Variants in EN2 observed in about 807,000 individuals in gnomAD.
The protein encoded by EN2 is engrailed homeobox 2, also known as homeobox protein engrailed-2.
EN2 carries 7 observed loss-of-function variants against 25.0 expected under a neutral mutation model. The observed-to-expected ratio is 0.28, with a 90% CI of 0.16 to 0.53. The LOEUF is 0.53. Ranked by LOEUF, EN2 falls within the 20% of genes least tolerant of loss-of-function variation. The pLI, the probability that EN2 is intolerant of heterozygous loss-of-function variation, is 0.96. For missense variants in EN2, 524 were observed against 501.8 expected (o/e 1.04, Z -0.42); for synonymous variants, 277 against 243.3 (o/e 1.14, Z -1.29).
At chr7:155,459,944 T>G (rs1186375324) in intron 1 of EN2, among the ~76,000 whole-genome samples, 1 of 152,234 alleles carries the variant, frequency 6.6e-6, no homozygotes, top group Non-Finnish European at 1.5e-5. Flanking sequence ...GTAGAAATCA[T>G]CAACTGCATT....
chr7:155,462,222 C>T (rs910021570), intron 1 of EN2, 149 bp from the exon 2 acceptor site: 15 of 858,668 alleles, frequency 1.7e-5, no homozygotes, highest in Admixed American at 2.5e-5. Context: ...ATGCCCAGTC[C>T]GAAGTCTAGC....
chr7:155,461,752 C>G (rs1045875714), intron 1 of EN2, among the ~76,000 whole-genome samples: 1 of 152,208 alleles, frequency 6.6e-6, no homozygotes, highest in Admixed American at 6.5e-5. Flanking sequence ...TGCACTGACT[C>G]TTCCTTAAAG....
chr7:155,462,317 G>C, intron 1 of EN2, 54 bp from the exon 2 acceptor site: 1 of 1,539,824 alleles, frequency 6.5e-7, no homozygotes, highest in Non-Finnish European at 8.7e-7. Flanking sequence ...GGTGCCTATT[G>C]GGTGGCACAC....
rs1237336091 is a variant in EN2 at position 155,462,494 on chromosome 7, C to A, written c.809C>A (p.Thr270Lys). The change falls in exon 2 of 2, where the codon ACG becomes AAG. Residue 270 changes from threonine to lysine, a missense_variant. By Grantham distance (78) the Thr-to-Lys change is moderately conservative. Transcript: ENST00000297375. The stretch of plus-strand genomic sequence containing the variant: ...GAGTTCCAGACCAACAGGTACCTGA[C>A]GGAGCAGCGGCGCCAGAGCCTGGCG... ...KAEFQTNRYL[T>K]EQRRQSLAQE... is the part of the protein sequence containing the mutation. 3.1e-6 allele frequency: 5 copies of A among 1,614,074 alleles called. No homozygotes were observed. The highest frequency in any genetic ancestry group is 2.7e-5 in the African/African-American group (2 of 74,940).
rs753280242 is a variant in EN2 at position 155,464,420 on chromosome 7, C to G, written c.*1733C>G. The G allele has an allele frequency of 2.6e-5, 4 of 152,642 alleles. No homozygotes were observed. The highest frequency in any genetic ancestry group is 5.9e-5 in the Non-Finnish European group (4 of 68,054). The allele number at this position is 152,642 out of a possible 1,614,324, so 9.5% of individuals were successfully genotyped here. A position where few individuals can be genotyped will look rare whatever the true frequency, so the allele number is the denominator to read the frequency against. On this transcript the variant is annotated 3_prime_UTR_variant, in exon 2 of 2. Coordinates refer to ENST00000297375, the MANE Select transcript of EN2 (RefSeq NM_001427.4). ...GGAGTCCCGCTGGTCTCCCTGAGGACTGAGGGTGAACTTCGCTCTTTGCCT... is the reference window on the plus strand; with the variant it reads ...GGAGTCCCGCTGGTCTCCCTGAGGAGTGAGGGTGAACTTCGCTCTTTGCCT...
chr7:155,461,126 C>T (rs1246137160), intron 1 of EN2, among the ~76,000 whole-genome samples: 2 of 152,190 alleles, frequency 1.3e-5, no homozygotes, highest in South Asian at 2.1e-4. Flanking sequence ...AGGAGATCCA[C>T]ATTCCTCTTC....
At position 155,463,295 on chromosome 7, in the gene EN2, G is replaced by A. The variant is rs973083580; in HGVS notation, c.*608G>A. ...GGATTTGGCCCTGGGAAGCAGCCCA[G>A]CGTACCCCAGGCCTGCTCTGGGAAG... On this transcript the variant is annotated 3_prime_UTR_variant, in exon 2 of 2. Coordinates refer to ENST00000297375, the MANE Select transcript of EN2 (RefSeq NM_001427.4). The A allele has an allele frequency of 6.6e-6, 1 of 152,666 alleles. No individual in the cohort carries two copies. The highest frequency in any genetic ancestry group is 2.4e-5 in the African/African-American group (1 of 41,410). 9.5% of individuals were successfully genotyped at this position (152,666 alleles called of 1,614,324 possible). A position where few individuals can be genotyped will look rare whatever the true frequency, so the allele number is the denominator to read the frequency against.
rs1023252481 is a variant in EN2, at chr7:155,464,189, G to A, written c.*1502G>A. On this transcript the variant is annotated 3_prime_UTR_variant, in exon 2 of 2. Coordinates refer to ENST00000297375, the MANE Select transcript of EN2 (RefSeq NM_001427.4). ...AAATATACATTTTATTTTTGAAGGT[G>A]TGGTACAGTGTAAATTAAATATATT... is the stretch of plus-strand genomic sequence containing the variant. 1 of 152,180 alleles carries A rather than the reference G, an allele frequency of 6.6e-6. No homozygotes were observed. Among genetic ancestry groups the A allele is most frequent in the Admixed American group, 6.5e-5 (1 of 15,278 alleles). The allele number at this position is 152,180 out of a possible 1,614,324, so 9.4% of individuals were successfully genotyped here.
In EN2 at chr7:155,458,899, C is replaced by T; in HGVS notation, c.522C>T (p.Gly174=). Residue 174 remains glycine (G), a synonymous_variant, in exon 1 of 2, where the codon GGC becomes GGT. Coordinates refer to ENST00000297375, the MANE Select transcript of EN2 (RefSeq NM_001427.4). ...GCGCCAAGAAAGGCGGCGACCCCGG[C>T]GGCCCCCTGGACGGGTCGCTCAAGG... ...HGGAKKGGDP[G]GPLDGSLKAR... is the part of the protein sequence containing the mutation. 3 of 1,498,166 alleles carry T rather than the reference C, an allele frequency of 2.0e-6. No homozygotes were observed. The highest frequency in any genetic ancestry group is 2.8e-5 in the East Asian group (1 of 35,548). The allele number at this position is 1,498,166 out of a possible 1,614,324, so 92.8% of individuals were successfully genotyped here.
At position 155,459,036 on chromosome 7, in the gene EN2, C is replaced by A. The variant is rs1333546421; in HGVS notation, c.659C>A (p.Thr220Lys). 6.3e-7 allele frequency: 1 copy of A among 1,581,668 alleles called. No individual in the cohort carries two copies. The highest frequency in any genetic ancestry group is 1.7e-5 in the Admixed American group (1 of 58,738). The change falls in exon 1 of 2, where the codon ACG (threonine) becomes AAG (lysine). Residue 220 changes from threonine (T) to lysine (K), a missense_variant. By Grantham distance (78) the Thr-to-Lys change is moderately conservative (BLOSUM62 -1). Coordinates refer to ENST00000297375, the MANE Select transcript of EN2 (RefSeq NM_001427.4). ...PMLWPAWVYC[T>K]RYSDRPSSGP... Reference sequence around the variant, plus strand: ...CTCTGGCCGGCGTGGGTCTACTGTACGCGCTACTCGGACCGGCCTTCTTCA... The same window carrying A: ...CTCTGGCCGGCGTGGGTCTACTGTAAGCGCTACTCGGACCGGCCTTCTTCA...
In EN2 at chr7:155,463,202, A is replaced by T. The variant is rs1795717038; in HGVS notation, c.*515A>T. 6.5e-6 allele frequency: 1 copy of T among 153,520 alleles called. No individual in the cohort carries two copies. Among genetic ancestry groups the T allele is most frequent in the African/African-American group, 2.4e-5 (1 of 41,430 alleles). The allele number at this position is 153,520 out of a possible 1,614,324, so 9.5% of individuals were successfully genotyped here. A position where few individuals can be genotyped will look rare whatever the true frequency, so the allele number is the denominator to read the frequency against. ...ACCTCAAGCCTGGACCAGCCACCTCAAGGCCTTGGGGAGCTTAGGGGACCT... is the reference window on the plus strand; with the variant it reads ...ACCTCAAGCCTGGACCAGCCACCTCTAGGCCTTGGGGAGCTTAGGGGACCT... On this transcript the variant is annotated 3_prime_UTR_variant, in exon 2 of 2. Coordinates refer to ENST00000297375, the MANE Select transcript of EN2 (RefSeq NM_001427.4).
chr7:155,459,725 T>C (rs185836753), intron 1 of EN2, among the ~76,000 whole-genome samples: 164 of 152,334 alleles, frequency 1.1e-3, no homozygotes, highest in Non-Finnish European at 1.4e-3. Flanking sequence ...CCCGCAGTGG[T>C]GGGGCTCAGC....
Position 155,464,612 on chromosome 7 carries a change from G to T in EN2, c.*1925G>T. 1 of 152,666 alleles carries T rather than the reference G, an allele frequency of 6.6e-6. No individual in the cohort carries two copies. Among genetic ancestry groups the T allele is most frequent in the East Asian group, 1.9e-4 (1 of 5,208 alleles). 9.5% of individuals were successfully genotyped at this position (152,666 alleles called of 1,614,324 possible). ...ACATGCCTTTTTAGCAGGAAGCAAA[G>T]TTGGTTTCTGTTTTTTGTTTTCTTT... On this transcript the variant is annotated 3_prime_UTR_variant, in exon 2 of 2. Transcript: ENST00000297375.
rs771494215 is a variant in EN2, at chr7:155,458,507, C to G, written c.130C>G (p.Arg44Gly). The change falls in exon 1 of 2, where the codon CGC (arginine) becomes GGC (glycine). Residue 44 changes from arginine to glycine, a missense_variant. By Grantham distance (125) the Arg-to-Gly change is moderately radical. Transcript: ENST00000297375. ...GSSPGEADTGRRRALMLPAVL... is the reference protein window; with the variant it reads ...GSSPGEADTGGRRALMLPAVL... ...CAGCCCGGGCGAAGCGGACACCGGG[C>G]GCCGGCGGGCTCTGATGCTGCCCGC... 5.3e-6 allele frequency: 7 copies of G among 1,325,890 alleles called. No individual in the cohort carries two copies. The South Asian group carries it at 1.2e-4, about 22-fold the overall frequency. The allele number at this position is 1,325,890 out of a possible 1,614,324, so 82.1% of individuals were successfully genotyped here.
Position 155,464,373 on chromosome 7 carries a change from G to A in EN2, c.*1686G>A, listed in dbSNP as rs1203942234. 6.6e-6 allele frequency: 1 copy of A among 152,650 alleles called. No individual in the cohort carries two copies. The highest frequency in any genetic ancestry group is 1.9e-4 in the East Asian group (1 of 5,192). The allele number at this position is 152,650 out of a possible 1,614,324, so 9.5% of individuals were successfully genotyped here. A position where few individuals can be genotyped will look rare whatever the true frequency, so the allele number is the denominator to read the frequency against. Reference sequence around the variant, plus strand: ...GGGGGTGTGCCCACGGCTGACCCAGGGGTGTGCACACGGCTGAGCTGGGAG... The same window carrying A: ...GGGGGTGTGCCCACGGCTGACCCAGAGGTGTGCACACGGCTGAGCTGGGAG... On this transcript the variant is annotated 3_prime_UTR_variant, in exon 2 of 2. Transcript: ENST00000297375.
chr7:155,459,082 G>C lies in EN2; in HGVS notation c.685+20G>C. The C allele has an allele frequency of 6.4e-7, 1 of 1,558,372 alleles. No individual in the cohort carries two copies. The highest frequency in any genetic ancestry group is 8.6e-7 in the Non-Finnish European group (1 of 1,162,720). On this transcript the variant is annotated intron_variant, in intron 1 of 1. Transcript: ENST00000297375. ...CTTCAGGTGAGCCCGCGGGGACCACGCGTCCCGGCTCGCCGCGGGGAGGCC... is the reference window on the plus strand; with the variant it reads ...CTTCAGGTGAGCCCGCGGGGACCACCCGTCCCGGCTCGCCGCGGGGAGGCC...
intron 1 of EN2, among the ~76,000 whole-genome samples, chr7:155,461,389 C>A (rs1244813706): frequency 1.3e-5 from 2 of 152,260 alleles, no homozygotes; most frequent in African/African-American, 4.8e-5. Flanking sequence ...CCTCCTTCTG[C>A]TCTCCTCCCT....
At chr7:155,461,690 C>G (rs1326091276) in intron 1 of EN2, among the ~76,000 whole-genome samples, 1 of 152,184 alleles carries the variant, frequency 6.6e-6, no homozygotes, top group Non-Finnish European at 1.5e-5. Context: ...GGGTGAAGGA[C>G]TCACCCACTG....
In EN2 at chr7:155,462,655, A is replaced by G. The variant is rs775769478; in HGVS notation, c.970A>G (p.Thr324Ala). Residue 324 changes from threonine to alanine, a missense_variant, in exon 2 of 2, where the codon ACA becomes GCA. Physicochemically the swap from Thr to Ala is moderately conservative, Grantham distance 58. Transcript: ENST00000297375. ...MAQGLYNHST[T>A]AKEGKSDSE is the part of the protein sequence containing the mutation. ...ACAGGGCTTGTACAACCACTCCACC[A>G]CAGCCAAGGAGGGCAAGTCGGACAG... The G allele has an allele frequency of 1.1e-5, 17 of 1,602,290 alleles. No homozygotes were observed. Among genetic ancestry groups the G allele is most frequent in the Admixed American group, 3.5e-5 (2 of 57,694 alleles).
Sources: allele counts gnomAD v4.1 joint callset (sites outside exome capture counted in the v4.1 genomes callset), GRCh38; gene constraint gnomAD v4.1.1; transcripts MANE v1.5; gene names NCBI Gene and HGNC (gene_info 2026-07-23, HGNC 2026-07-21).